ADGRV1: variants seen among roughly 807,000 people sequenced by gnomAD.
The protein encoded by ADGRV1 is G-protein coupled receptor 98.
In ADGRV1, 359 loss-of-function variants were observed where a neutral mutation model predicts 596.2. That is an observed-to-expected ratio of 0.60 (90% confidence interval 0.55 to 0.66). The LOEUF is 0.66. Among genes scored for constraint, ADGRV1 ranks in the 30% least tolerant of loss-of-function variants. The probability of loss-of-function intolerance (pLI) is 0.00; values close to 1 mark genes in which losing one functional copy is unlikely to be tolerated. For missense variants in ADGRV1, 7,274 were observed against 7,575.6 expected, an observed-to-expected ratio of 0.96 and a Z score of 1.48; for synonymous variants, 2,681 against 2,679.2, an observed-to-expected ratio of 1.00 and a Z score of -0.02.
In ADGRV1 at chr5:90,653,230, G is replaced by T. The variant is rs111986999; in HGVS notation, c.3656G>T (p.Gly1219Val). 2.5e-6 allele frequency: 4 copies of T among 1,610,562 alleles called. No homozygotes were observed. Among genetic ancestry groups the T allele is most frequent in the Non-Finnish European group, 2.5e-6 (3 of 1,177,596 alleles). The change falls in exon 20 of 90, where the codon GGC becomes GTC. Residue 1219 changes from glycine to valine, a missense_variant. Around this residue, in one of 5 missense-constraint regions of ADGRV1, gnomAD observed 1,715 missense variants for 1,708.8 expected, o/e 1.00. Coordinates refer to ENST00000405460, the MANE Select transcript of ADGRV1 (RefSeq NM_032119.4). ...NISGGSPGPGGQLAETNLQVT... is the reference protein window; with the variant it reads ...NISGGSPGPGVQLAETNLQVT... ...ACAGGTGGATCCCCAGGTCCTGGGG[G>T]CCAGCTAGCAGAAACCAACCTCCAG...
rs141501365 is a variant in ADGRV1, at chr5:90,790,773, A to AT, written c.14044-90dup. On this transcript the variant is annotated intron_variant, in intron 69 of 89. Transcript: ENST00000405460. ...TTTGAATATAGTGATGCACAATTAT[A>AT]TTTTTTTTTTGTATATTATAGAGAA... 4.8e-3 allele frequency: 3,193 copies of AT among 658,852 alleles called. 3 individuals carry two copies. The highest frequency in any genetic ancestry group is 6.1e-3 in the Non-Finnish European group (2,494 of 411,116). The allele number at this position is 658,852 out of a possible 1,614,324, so 40.8% of individuals were successfully genotyped here.
chr5:90,585,674 T>C (rs1355040421), intron 1 of ADGRV1, among the ~76,000 whole-genome samples: 1 of 152,202 alleles, frequency 6.6e-6, no homozygotes, highest in Non-Finnish European at 1.5e-5. Context: ...AGAAGCCATA[T>C]TGTCAGAAGC....
At chr5:91,087,575 A>G (rs966938281) in intron 86 of ADGRV1, among the ~76,000 whole-genome samples, 5 of 152,014 alleles carry the variant, frequency 3.3e-5, no homozygotes, top group Admixed American at 6.6e-5. Flanking sequence ...GTGAATGTAT[A>G]TAATCATTGA....
At chr5:91,115,343 G>T (rs568070572) in intron 87 of ADGRV1, among the ~76,000 whole-genome samples, 65 of 152,204 alleles carry the variant, frequency 4.3e-4, no homozygotes, top group Middle Eastern at 6.8e-3. Context: ...TATACTGATT[G>T]CCTACTAATA....
At chr5:90,701,760 C>T (rs1056895261) in intron 34 of ADGRV1, among the ~76,000 whole-genome samples, 12 of 151,758 alleles carry the variant, frequency 7.9e-5, no homozygotes, top group African/African-American at 1.2e-4. Context: ...GAATATTTTA[C>T]TTTCTTTTCT....
At chr5:90,708,718 C>A in intron 38 of ADGRV1, 98 bp from the exon 39 acceptor site, 1 of 695,192 alleles carries the variant, frequency 1.4e-6, no homozygotes, top group South Asian at 2.3e-5. Flanking sequence ...TTTGTATCTT[C>A]TGTATACTAA....
chr5:90,648,943 T>G (rs1167131873), intron 17 of ADGRV1, among the ~76,000 whole-genome samples: 3 of 152,110 alleles, frequency 2.0e-5, no homozygotes, highest in Non-Finnish European at 2.9e-5. Flanking sequence ...ATAATTTTAG[T>G]GAAGTAAAAG....
intron 1 of ADGRV1, among the ~76,000 whole-genome samples, chr5:90,570,778 A>T (rs10066924): frequency 0.011 from 1,605 of 149,844 alleles, 10 homozygotes; most frequent in Non-Finnish European, 0.016. Flanking sequence ...TTTTTTTTTT[A>T]AACTATCTTT....
chr5:90,828,917 T>TC, intron 76 of ADGRV1, 27 bp from the exon 77 acceptor site: 1 of 1,475,534 alleles, frequency 6.8e-7, no homozygotes. Flanking sequence ...GTAATAGTTG[T>TC]TTTTTTTTCC....
Position 90,689,870 on chromosome 5 carries a change from A to G in ADGRV1, c.6500A>G (p.Tyr2167Cys). The G allele has an allele frequency of 6.2e-7, 1 of 1,610,872 alleles. No individual in the cohort carries two copies. The highest frequency in any genetic ancestry group is 8.5e-7 in the Non-Finnish European group (1 of 1,177,698). The change falls in exon 30 of 90, where the codon TAT (tyrosine) becomes TGT (cysteine). Residue 2167 changes from tyrosine (Y) to cysteine (C), a missense_variant. Tyr to Cys is a radical substitution (Grantham distance 194). Around this residue, in one of 5 missense-constraint regions of ADGRV1, gnomAD observed 3,643 missense variants for 3,809.2 expected, o/e 0.96. Transcript: ENST00000405460. ...CTTTTGGTCTTTTCAGGTGAAGATT[A>G]TAGTATAGCTTCATCAGATGTGGTC... is the stretch of plus-strand genomic sequence containing the variant. ...VPITAIAGED[Y>C]SIASSDVVLL...
chr5:90,651,654 AATG>A lies in ADGRV1; in HGVS notation c.3345_3347del (p.Asp1116del). ...AGTAGCTACAGTAATAATTGAAGCTAATGATGACCCAAATGGCATTTTTTCTCT... is the reference window on the plus strand; with the variant it reads ...AGTAGCTACAGTAATAATTGAAGCTAATGACCCAAATGGCATTTTTTCTCT... On this transcript the variant is annotated inframe_deletion, in exon 18 of 90. Transcript: ENST00000405460. 6.2e-7 allele frequency: 1 copy of A among 1,611,974 alleles called. No individual in the cohort carries two copies. Among genetic ancestry groups the A allele is most frequent in the South Asian group, 1.1e-5 (1 of 90,950 alleles).
chr5:90,836,525 A>C (rs1307048477), intron 77 of ADGRV1, among the ~76,000 whole-genome samples: 1 of 152,180 alleles, frequency 6.6e-6, no homozygotes, highest in Non-Finnish European at 1.5e-5. Context: ...TGAAATTACA[A>C]AATTATAGGA....
chr5:90,710,533 G>A (rs187624756), intron 39 of ADGRV1, among the ~76,000 whole-genome samples: 2 of 151,944 alleles, frequency 1.3e-5, no homozygotes, highest in African/African-American at 4.8e-5. Flanking sequence ...ATGTCTCTCT[G>A]TGTCTCTTTT....
intron 33 of ADGRV1, among the ~76,000 whole-genome samples, chr5:90,695,908 G>A (rs528579965): frequency 6.6e-6 from 1 of 152,172 alleles, no homozygotes; most frequent in East Asian, 1.9e-4. Context: ...GATTTTTCCA[G>A]TGGTTATGTT....
chr5:90,710,954 TTAAG>T (rs1181650101), intron 39 of ADGRV1, 23 bp from the exon 40 acceptor site: 5 of 1,378,932 alleles, frequency 3.6e-6, no homozygotes, highest in Non-Finnish European at 5.1e-6. Context: ...TATATGTATT[TTAAG>T]ATATGCTTCT....
chr5:90,658,419 A>T, intron 21 of ADGRV1, 141 bp downstream of exon 21: 1 of 658,092 alleles, frequency 1.5e-6, no homozygotes. Flanking sequence ...GTGATTGCAA[A>T]TATAAATTAC....
At chr5:91,029,359 A>G (rs1166283859) in intron 85 of ADGRV1, among the ~76,000 whole-genome samples, 1 of 152,216 alleles carries the variant, frequency 6.6e-6, no homozygotes, top group African/African-American at 2.4e-5. Flanking sequence ...TATGAATATG[A>G]TACAATTTAT....
At chr5:90,569,776 A>G (rs967199944) in intron 1 of ADGRV1, among the ~76,000 whole-genome samples, 4 of 151,998 alleles carry the variant, frequency 2.6e-5, no homozygotes, top group Non-Finnish European at 2.9e-5. Context: ...ATCCTAACCT[A>G]TAATAATCTA....
chr5:90,817,930 G>GT (rs1188334934), intron 75 of ADGRV1, among the ~76,000 whole-genome samples: 1 of 152,114 alleles, frequency 6.6e-6, no homozygotes, highest in Admixed American at 6.5e-5. Context: ...CTTTAAAGTA[G>GT]TTTTTTCCAA....
Sources: gnomAD v4.1 joint callset for allele counts (sites outside exome capture counted in the v4.1 genomes callset) on GRCh38, gnomAD v4.1.1 for gene constraint, gnomAD v4.1.1 regional missense constraint, MANE v1.5 for transcripts, NCBI Gene and HGNC (gene_info 2026-07-23, HGNC 2026-07-21) for gene names.